Variants in RNF145 observed in about 807,000 individuals in gnomAD.
RNF145 encodes ring finger protein 145.
A neutral mutation model predicts 57.3 loss-of-function variants in RNF145; 12 were observed. The ratio of observed to expected loss-of-function variants is 0.21; its 90% CI spans 0.13 to 0.34. RNF145 has a LOEUF of 0.34. Among genes scored for constraint, RNF145 ranks in the 10% least tolerant of loss-of-function variants. RNF145 has a pLI of 1.00. For synonymous variants in RNF145, 262 were observed against 288.3 expected (o/e 0.91, Z 0.92); for missense variants, 429 against 799.0 (o/e 0.54, Z 5.58).
intron 5 of RNF145, among the ~76,000 whole-genome samples, chr5:159,175,550 A>T (rs1016326107): frequency 6.6e-6 from 1 of 152,150 alleles, no homozygotes; most frequent in Non-Finnish European, 1.5e-5. Context: ...CAAAGAAAAA[A>T]TATGTATCTT....
upstream of RNF145, chr5:159,209,965 A>G (rs1401783715): frequency 3.4e-6 from 5 of 1,471,854 alleles, no homozygotes; most frequent in Non-Finnish European, 4.6e-6. Flanking sequence ...TAGACTGTAA[A>G]CTCCTTGGCG....
chr5:159,174,546 G>GA (rs956822759), intron 5 of RNF145, among the ~76,000 whole-genome samples: 4 of 151,544 alleles, frequency 2.6e-5, no homozygotes, highest in Non-Finnish European at 2.9e-5. Flanking sequence ...GAGGCACTAG[G>GA]AAAAAAAATG....
chr5:159,177,336 T>G (rs1481724482), intron 4 of RNF145, among the ~76,000 whole-genome samples: 1 of 152,094 alleles, frequency 6.6e-6, no homozygotes, highest in Non-Finnish European at 1.5e-5. Flanking sequence ...TTAATCTTTA[T>G]TTTTGGAGGG....
intron 1 of RNF145, chr5:159,207,402 C>A: frequency 3.2e-6 from 3 of 946,012 alleles, no homozygotes; most frequent in Admixed American, 2.8e-5. Flanking sequence ...GACACGTGAC[C>A]CAACTTAAAA....
chr5:159,162,909 G>C, intron 9 of RNF145, 23 bp downstream of exon 9: 1 of 1,566,292 alleles, frequency 6.4e-7, no homozygotes, highest in Non-Finnish European at 8.6e-7. Flanking sequence ...TTATTATATA[G>C]AGTTAATTAA....
At chr5:159,171,507 C>T (rs1584672605) in intron 6 of RNF145, among the ~76,000 whole-genome samples, 1 of 152,150 alleles carries the variant, frequency 6.6e-6, no homozygotes, top group East Asian at 1.9e-4. Flanking sequence ...ACAGAGCATA[C>T]TAAATACCAA....
At chr5:159,183,284 CA>C (rs1437325949) in intron 3 of RNF145, among the ~76,000 whole-genome samples, 1 of 152,088 alleles carries the variant, frequency 6.6e-6, no homozygotes, top group Non-Finnish European at 1.5e-5. Context: ...AACCAAGGGG[CA>C]ATTTTGCTCC....
chr5:159,158,735 C>T lies in RNF145; in HGVS notation c.1927G>A (p.Ala643Thr). The T allele has an allele frequency of 6.2e-7, 1 of 1,613,980 alleles. No individual in the cohort carries two copies. Among genetic ancestry groups the T allele is most frequent in the Middle Eastern group, 1.7e-4 (1 of 6,056 alleles). The change falls in exon 11 of 11, where the codon GCT becomes ACT. Residue 643 changes from alanine to threonine, a missense_variant. Ala to Thr is a moderately conservative substitution (Grantham distance 58). Coordinates refer to ENST00000424310, the MANE Select transcript of RNF145 (RefSeq NM_001199383.2). ...TGAGGATATTCTTTGGGGTCAAAAG[C>T]CCCTTCCTGGTTATCTGGTCGTCTG... The part of the protein sequence containing the change: ...IARRPDNQEG[A>T]FDPKEYPHSA...
intron 5 of RNF145, among the ~76,000 whole-genome samples, 160 bp from the exon 6 acceptor site, chr5:159,174,318 A>G (rs1784646678): frequency 6.6e-6 from 1 of 152,212 alleles, no homozygotes; most frequent in Non-Finnish European, 1.5e-5. Flanking sequence ...GTTAATAAAT[A>G]GCATGTTTTT....
chr5:159,190,823 T>C (rs368395527), intron 3 of RNF145, among the ~76,000 whole-genome samples: 1 of 152,154 alleles, frequency 6.6e-6, no homozygotes, highest in African/African-American at 2.4e-5. Context: ...AACTGTGATA[T>C]GTTATGAATA....
chr5:159,208,225 G>A (rs896442873), intron 1 of RNF145: 13 of 1,214,554 alleles, frequency 1.1e-5, no homozygotes, highest in Non-Finnish European at 1.3e-5. Flanking sequence ...AGCAGCAACC[G>A]GGCCGCCGCC....
intron 2 of RNF145, among the ~76,000 whole-genome samples, chr5:159,195,709 CTATATA>C (rs1209471322): frequency 6.6e-6 from 1 of 152,162 alleles, no homozygotes; most frequent in Non-Finnish European, 1.5e-5. Flanking sequence ...CTGTTTTTCT[CTATATA>C]TAAAGTACCT....
chr5:159,202,360 T>A (rs1785699850), intron 2 of RNF145, among the ~76,000 whole-genome samples: 1 of 152,228 alleles, frequency 6.6e-6, no homozygotes, highest in Admixed American at 6.5e-5. Flanking sequence ...CATAAAAGGC[T>A]GAGAATTACA....
intron 2 of RNF145, among the ~76,000 whole-genome samples, chr5:159,200,289 C>A (rs1266060321): frequency 6.6e-6 from 1 of 151,596 alleles, no homozygotes; most frequent in Non-Finnish European, 1.5e-5. Flanking sequence ...ATAAAGAAAA[C>A]TGAAGGGACT....
intron 9 of RNF145, among the ~76,000 whole-genome samples, chr5:159,162,194 CATAT>C (rs1275904643): frequency 1.3e-5 from 2 of 152,116 alleles, no homozygotes; most frequent in Non-Finnish European, 2.9e-5. Flanking sequence ...ACATCATATA[CATAT>C]ATATTTATAT....
chr5:159,181,688 TA>T (rs1171387832), intron 4 of RNF145, among the ~76,000 whole-genome samples: 3 of 151,472 alleles, frequency 2.0e-5, no homozygotes, highest in Non-Finnish European at 4.4e-5. Context: ...TAGCTCTATT[TA>T]AAAATTAATC....
intron 3 of RNF145, among the ~76,000 whole-genome samples, chr5:159,188,928 AT>A (rs973343574): frequency 8.5e-5 from 13 of 152,164 alleles, no homozygotes; most frequent in East Asian, 5.8e-4. Flanking sequence ...CTAGTTTTTA[AT>A]TTTTTTTTTC....
Position 159,176,790 on chromosome 5 carries a change from G to A in RNF145, c.463C>T (p.Pro155Ser), listed in dbSNP as rs1181071591. The A allele has an allele frequency of 1.9e-6, 3 of 1,612,634 alleles. No homozygotes were observed. Among genetic ancestry groups the A allele is most frequent in the South Asian group, 2.2e-5 (2 of 91,002 alleles). Residue 155 changes from proline to serine, a missense_variant, in exon 5 of 11, where the codon CCT becomes TCT. Transcript: ENST00000424310. Reference protein sequence around the residue: ...QIWLFSAHMLPLLARLCLVPL... With the variant: ...QIWLFSAHMLSLLARLCLVPL... ...ACAAGGCAGAGTCGTGCTAGCAGAGGAAGCATGTGAGCTGAAAACAGCCAA... is the reference window on the plus strand; with the variant it reads ...ACAAGGCAGAGTCGTGCTAGCAGAGAAAGCATGTGAGCTGAAAACAGCCAA...
chr5:159,168,798 C>G, intron 8 of RNF145, 75 bp downstream of exon 8: 1 of 954,492 alleles, frequency 1.0e-6, no homozygotes, highest in Non-Finnish European at 1.5e-6. Flanking sequence ...TAAATATTCC[C>G]TAAATATTTA....
Sources: gnomAD v4.1 joint callset for allele counts (sites outside exome capture counted in the v4.1 genomes callset) on GRCh38, gnomAD v4.1.1 for gene constraint, MANE v1.5 for transcripts, NCBI Gene and HGNC (gene_info 2026-07-23, HGNC 2026-07-21) for gene names.